PPP6R3: variants seen among roughly 807,000 people sequenced by gnomAD.
PPP6R3 encodes serine/threonine-protein phosphatase 6 regulatory subunit 3.
Under a neutral mutation model 110.7 loss-of-function variants are expected in PPP6R3, and 38 were observed. The ratio of observed to expected loss-of-function variants is 0.34; its 90% CI spans 0.26 to 0.45. The LOEUF (loss-of-function observed/expected upper bound fraction) is 0.45, where lower values mean the gene tolerates loss of function less well. Ranked by LOEUF, PPP6R3 falls within the 20% of genes least tolerant of loss-of-function variation. The probability of loss-of-function intolerance (pLI) is 1.00; values close to 1 mark genes in which losing one functional copy is unlikely to be tolerated. For synonymous variants in PPP6R3, 369 were observed against 373.5 expected (o/e 0.99, Z 0.14); for missense variants, 870 against 1,062.4 (o/e 0.82, Z 2.52).
At chr11:68,605,022 G>C (rs2153955390) in intron 22 of PPP6R3, among the ~76,000 whole-genome samples, 1 of 152,238 alleles carries the variant, frequency 6.6e-6, no homozygotes, top group South Asian at 2.1e-4. Context: ...AAAGTGAGGG[G>C]CTTCACCATA....
At chr11:68,551,662 A>C (rs1275211152) in intron 6 of PPP6R3, among the ~76,000 whole-genome samples, 1 of 151,924 alleles carries the variant, frequency 6.6e-6, no homozygotes, top group East Asian at 1.9e-4. Context: ...TAATTTTTGT[A>C]TTGTTAGTAG....
At chr11:68,484,878 C>T (rs895133285) in intron 1 of PPP6R3, among the ~76,000 whole-genome samples, 18 of 152,246 alleles carry the variant, frequency 1.2e-4, no homozygotes, top group African/African-American at 4.1e-4. Context: ...TGAGCCACAG[C>T]GCCCAGCCTT....
chr11:68,582,129 C>T (rs1479036310), intron 14 of PPP6R3, among the ~76,000 whole-genome samples: 1 of 152,186 alleles, frequency 6.6e-6, no homozygotes, highest in Non-Finnish European at 1.5e-5. Flanking sequence ...CAGCCCGTGT[C>T]TTCCCTAAGA....
intron 1 of PPP6R3, among the ~76,000 whole-genome samples, chr11:68,461,844 C>G (rs923493073): frequency 1.3e-5 from 2 of 152,110 alleles, no homozygotes; most frequent in African/African-American, 4.8e-5. Context: ...TGATTTTGTC[C>G]TCAAGGTCAT....
chr11:68,569,346 G>A (rs1452196410), intron 10 of PPP6R3, among the ~76,000 whole-genome samples: 2 of 152,060 alleles, frequency 1.3e-5, no homozygotes, highest in Admixed American at 1.3e-4. Context: ...CACAGCTATC[G>A]AACCCTATAT....
At chr11:68,571,005 A>G (rs200572036) in intron 11 of PPP6R3, 35 bp from the exon 12 acceptor site, 19 of 1,577,328 alleles carry the variant, frequency 1.2e-5, no homozygotes, top group Non-Finnish European at 1.5e-5. Flanking sequence ...GATGCTTTGA[A>G]GTATTAACTG....
intron 15 of PPP6R3, 91 bp downstream of exon 15, chr11:68,583,220 T>C: frequency 1.0e-6 from 1 of 979,162 alleles, no homozygotes; most frequent in Non-Finnish European, 1.5e-6. Flanking sequence ...TCAGATTATG[T>C]ATTAGAATGT....
intron 2 of PPP6R3, among the ~76,000 whole-genome samples, chr11:68,527,413 T>TAACTGTA (rs1211855758): frequency 4.6e-5 from 7 of 152,190 alleles, no homozygotes; most frequent in Non-Finnish European, 8.8e-5. Context: ...GACCAGTCTC[T>TAACTGTA]ACAGTGCCCC....
chr11:68,614,560 A>G lies in PPP6R3; in HGVS notation c.*1443A>G. The G allele has an allele frequency of 6.7e-7, 1 of 1,499,438 alleles. No homozygotes were observed. Among genetic ancestry groups the G allele is most frequent in the East Asian group, 2.5e-5 (1 of 39,802 alleles). The allele number at this position is 1,499,438 out of a possible 1,614,324, so 92.9% of individuals were successfully genotyped here. A position where few individuals can be genotyped will look rare whatever the true frequency, so the allele number is the denominator to read the frequency against. On this transcript the variant is annotated 3_prime_UTR_variant, in exon 24 of 24. Transcript: ENST00000393800. Reference sequence around the variant, plus strand: ...ATCCCAAGCAGCGTGCCTAAACATTACATTGCATATGGAAATAAAAGAATC... The same window carrying G: ...ATCCCAAGCAGCGTGCCTAAACATTGCATTGCATATGGAAATAAAAGAATC...
intron 1 of PPP6R3, among the ~76,000 whole-genome samples, chr11:68,490,246 A>G (rs889838827): frequency 9.9e-5 from 15 of 152,154 alleles, no homozygotes; most frequent in African/African-American, 3.4e-4. Context: ...AGTGCTATAA[A>G]TATTTCATTC....
At chr11:68,576,613 G>T (rs560862675) in intron 14 of PPP6R3, among the ~76,000 whole-genome samples, 1 of 136,872 alleles carries the variant, frequency 7.3e-6, no homozygotes, top group African/African-American at 3.0e-5. Context: ...TGTATTTTTT[G>T]GTTTTTAAAC....
chr11:68,563,303 C>T (rs1313248304), intron 8 of PPP6R3, among the ~76,000 whole-genome samples: 1 of 152,166 alleles, frequency 6.6e-6, no homozygotes, highest in Admixed American at 6.5e-5. Flanking sequence ...TAAGGCATTC[C>T]TCTTCCAGCT....
chr11:68,552,302 G>A (rs1324761489), intron 6 of PPP6R3, among the ~76,000 whole-genome samples: 1 of 152,192 alleles, frequency 6.6e-6, no homozygotes, highest in Non-Finnish European at 1.5e-5. Context: ...GCACAGCAGA[G>A]GAGCTGTGCA....
chr11:68,583,499 A>C (rs1261279652), intron 15 of PPP6R3, among the ~76,000 whole-genome samples: 1 of 152,188 alleles, frequency 6.6e-6, no homozygotes, highest in Non-Finnish European at 1.5e-5. Flanking sequence ...TAGAAATAAG[A>C]CGTTTAAAAT....
chr11:68,524,193 CAA>C (rs1232094585), intron 2 of PPP6R3, among the ~76,000 whole-genome samples: 1 of 152,190 alleles, frequency 6.6e-6, no homozygotes, highest in East Asian at 1.9e-4. Context: ...TCATCTTTAG[CAA>C]GTTTTGCTTC....
chr11:68,613,093 C>T lies in PPP6R3; in HGVS notation c.2598C>T (p.Asp866=). ...CTGGCCAACCAAGCGCACCAGGTGA[C>T]ACTTCAGTGAATGGCCCTGTATGAC... ...QRTGQPSAPG[D]TSVNGPV Residue 866 remains aspartate (D), a synonymous_variant, in exon 24 of 24, where the codon GAC becomes GAT. Transcript: ENST00000393800. 1 of 1,614,152 alleles carries T rather than the reference C, an allele frequency of 6.2e-7. No homozygotes were observed. Among genetic ancestry groups the T allele is most frequent in the South Asian group, 1.1e-5 (1 of 91,078 alleles).
At chr11:68,559,719 C>G (rs1198209910) in intron 8 of PPP6R3, among the ~76,000 whole-genome samples, 2 of 152,152 alleles carry the variant, frequency 1.3e-5, no homozygotes, top group East Asian at 1.9e-4. Context: ...CTGTCTCTTT[C>G]TAGGAAAATC....
At chr11:68,505,181 T>A (rs2099069231) in intron 1 of PPP6R3, 1 of 152,210 alleles carries the variant, frequency 6.6e-6, no homozygotes. Flanking sequence ...GGTGACTTGC[T>A]CAAATAGTGA....
At chr11:68,594,978 C>G (rs1228638793) in intron 18 of PPP6R3, among the ~76,000 whole-genome samples, 1 of 152,146 alleles carries the variant, frequency 6.6e-6, no homozygotes, top group African/African-American at 2.4e-5. Context: ...AAAGGATAGT[C>G]TTTTCAACAA....
Sources: allele counts gnomAD v4.1 joint callset (sites outside exome capture counted in the v4.1 genomes callset), GRCh38; gene constraint gnomAD v4.1.1; transcripts MANE v1.5; gene names NCBI Gene and HGNC (gene_info 2026-07-23, HGNC 2026-07-21).